Variants in EIF3B observed in about 807,000 individuals in gnomAD.
EIF3B encodes the protein eukaryotic translation initiation factor 3 subunit B.
Under a neutral mutation model 104.6 loss-of-function variants are expected in EIF3B, and 10 were observed. The ratio of observed to expected loss-of-function variants is 0.10; its 90% CI spans 0.06 to 0.16. The LOEUF (loss-of-function observed/expected upper bound fraction) is 0.16. Ranked by LOEUF, EIF3B falls within the 10% of genes least tolerant of loss-of-function variation. The pLI is 1.00. For missense variants in EIF3B, 1,014 were observed against 1,087.9 expected (o/e 0.93, Z 0.96); for synonymous variants, 542 against 417.2 (o/e 1.30, Z -3.65).
At chr7:2,379,977 C>T in intron 18 of EIF3B, 1 of 252,420 alleles carries the variant, frequency 4.0e-6, no homozygotes, top group South Asian at 4.3e-5. Flanking sequence ...CGCCTCACAG[C>T]ATGGGCACAT....
In EIF3B at chr7:2,360,840, C is replaced by A; in HGVS notation, c.630C>A (p.Ile210=). ...LEKLKNVIHK[I]FSKFGKITND... is the part of the protein sequence containing the mutation. ...AACTCAAAAATGTCATCCACAAGAT[C>A]TTTTCCAAGTTTGGGAAAATCACAA... The change falls in exon 2 of 19, where the codon ATC becomes ATA. Residue 210 remains isoleucine (I), a synonymous_variant. Coordinates refer to ENST00000360876, the MANE Select transcript of EIF3B (RefSeq NM_001037283.2). 9.3e-6 allele frequency: 15 copies of A among 1,613,850 alleles called. No individual in the cohort carries two copies. Among genetic ancestry groups the A allele is most frequent in the Non-Finnish European group, 1.3e-5 (15 of 1,179,790 alleles).
chr7:2,354,875 G>T lies in EIF3B; in HGVS notation c.-47G>T. 1 of 1,132,410 alleles carries T rather than the reference G, an allele frequency of 8.8e-7. No homozygotes were observed. The highest frequency in any genetic ancestry group is 3.6e-5 in the South Asian group (1 of 27,990). The allele number at this position is 1,132,410 out of a possible 1,614,324, so 70.1% of individuals were successfully genotyped here. A position where few individuals can be genotyped will look rare whatever the true frequency, so the allele number is the denominator to read the frequency against. ...GCGCGCGGTGCGGCCTGGGAGAGTCGGAAGCGCGGCGGCCGCGGAGCCCTG... is the reference window on the plus strand; with the variant it reads ...GCGCGCGGTGCGGCCTGGGAGAGTCTGAAGCGCGGCGGCCGCGGAGCCCTG... On this transcript the variant is annotated 5_prime_UTR_variant, in exon 1 of 19. Transcript: ENST00000360876.
At chr7:2,377,695 T>C (rs62444176) in intron 15 of EIF3B, 442 of 30,426 alleles carry the variant, frequency 0.015, 17 homozygotes, top group Admixed American at 0.023. Flanking sequence ...CCTGGGATGC[T>C]GTGTTCTGTG....
At chr7:2,359,983 G>A (rs1454087250) in intron 1 of EIF3B, among the ~76,000 whole-genome samples, 1 of 152,186 alleles carries the variant, frequency 6.6e-6, no homozygotes, top group African/African-American at 2.4e-5. Flanking sequence ...GGTAAAGATT[G>A]TTCTGAACGA....
chr7:2,379,058 C>T (rs953280931), intron 16 of EIF3B, 76 bp from the exon 17 acceptor site: 53 of 1,283,960 alleles, frequency 4.1e-5, no homozygotes, highest in East Asian at 2.6e-4. Context: ...TGGCACCGTC[C>T]GCCTGGGTGT....
chr7:2,359,908 G>T (rs1455264674), intron 1 of EIF3B, among the ~76,000 whole-genome samples: 1 of 152,208 alleles, frequency 6.6e-6, no homozygotes, highest in East Asian at 1.9e-4. Flanking sequence ...GAAAGACACT[G>T]TCACATCCCT....
At chr7:2,372,940 A>G in intron 12 of EIF3B, 145 bp downstream of exon 12, 4 of 849,226 alleles carry the variant, frequency 4.7e-6, no homozygotes, top group Non-Finnish European at 6.6e-6. Flanking sequence ...GCCTCGGCTG[A>G]TGGAAGTGAG....
intron 1 of EIF3B, among the ~76,000 whole-genome samples, chr7:2,356,268 T>C (rs1779430448): frequency 1.3e-5 from 2 of 152,016 alleles, no homozygotes; most frequent in Non-Finnish European, 2.9e-5. Context: ...ACCAGGACAA[T>C]TTCGGGAATA....
intron 6 of EIF3B, 121 bp downstream of exon 6, chr7:2,364,650 G>T: frequency 1.1e-6 from 1 of 882,612 alleles, no homozygotes; most frequent in South Asian, 1.7e-5. Flanking sequence ...TATGCAGAAC[G>T]CTAATAAGCT....
At chr7:2,377,508 TGTGTGAATGA>T in intron 15 of EIF3B, among the ~76,000 whole-genome samples, 1 of 133,740 alleles carries the variant, frequency 7.5e-6, no homozygotes, top group Non-Finnish European at 1.6e-5. Context: ...GATGCTGTGT[TGTGTGAATGA>T]CCCTGGGTGT....
chr7:2,355,349 T>A lies in EIF3B; in HGVS notation c.428T>A (p.Leu143Gln). The change falls in exon 1 of 19, where the codon CTG becomes CAG. Residue 143 changes from leucine to glutamine, a missense_variant. Transcript: ENST00000360876. ...GCGGCCGAGGCCGAACCCCGGGCGCTGGAGAACGGCGACGCGGACGAGCCC... is the reference window on the plus strand; with the variant it reads ...GCGGCCGAGGCCGAACCCCGGGCGCAGGAGAACGGCGACGCGGACGAGCCC... The part of the protein sequence containing the change: ...GRAAEAEPRA[L>Q]ENGDADEPSF... 1 of 1,539,904 alleles carries A rather than the reference T, an allele frequency of 6.5e-7. No individual in the cohort carries two copies. The highest frequency in any genetic ancestry group is 8.7e-7 in the Non-Finnish European group (1 of 1,149,954).
rs750069365 is a variant in EIF3B at position 2,372,750 on chromosome 7, G to T, written c.1765G>T (p.Val589Leu). The T allele has an allele frequency of 6.2e-7, 1 of 1,614,178 alleles. No homozygotes were observed. Among genetic ancestry groups the T allele is most frequent in the South Asian group, 1.1e-5 (1 of 91,080 alleles). ...VLHGEAPRIS[V>L]SFYHVKNNGK... The stretch of plus-strand genomic sequence containing the variant: ...GCACGGAGAGGCTCCGCGGATATCT[G>T]TGTCTTTCTACCACGTCAAAAACAA... Residue 589 changes from valine to leucine, a missense_variant, in exon 12 of 19, where the codon GTG (valine) becomes TTG (leucine). By Grantham distance (32) the Val-to-Leu change is conservative (BLOSUM62 1). Around this residue, in one of 4 missense-constraint regions of EIF3B, gnomAD observed 266 missense variants for 324.0 expected, o/e 0.82. Transcript: ENST00000360876.
In EIF3B at chr7:2,369,784, T is replaced by C. The variant is rs1317442524; in HGVS notation, c.1614+102T>C. ...TAATGGATTTTTTTTTTTTTTTTTT[T>C]TTTTTTTTTTTGAGATGGAGTCTCA... On this transcript the variant is annotated intron_variant, in intron 10 of 18. Coordinates refer to ENST00000360876, the MANE Select transcript of EIF3B (RefSeq NM_001037283.2). 3.8e-6 allele frequency: 4 copies of C among 1,064,148 alleles called. No homozygotes were observed. In the East Asian group the frequency reaches 7.8e-5, roughly 21 times the overall value. The allele number at this position is 1,064,148 out of a possible 1,614,324, so 65.9% of individuals were successfully genotyped here.
chr7:2,358,983 C>T (rs891609873), intron 1 of EIF3B, among the ~76,000 whole-genome samples: 1 of 152,076 alleles, frequency 6.6e-6, no homozygotes, highest in African/African-American at 2.4e-5. Context: ...ACTTGGGAGG[C>T]TGAGGCAGGA....
chr7:2,372,089 C>G (rs1318265532), intron 11 of EIF3B: 1 of 475,604 alleles, frequency 2.1e-6, no homozygotes, highest in Non-Finnish European at 3.8e-6. Context: ...CACCGATAGT[C>G]CCAGCTGTTT....
At position 2,380,620 on chromosome 7, in the gene EIF3B, A is replaced by G; in HGVS notation, c.*431A>G. ...AAGGACTTGCATCCCCATTGCGGGC[A>G]GTGCTGGACGTGTCCCGGAGACCCA... On this transcript the variant is annotated 3_prime_UTR_variant, in exon 19 of 19. Coordinates refer to ENST00000360876, the MANE Select transcript of EIF3B (RefSeq NM_001037283.2). 2 of 309,216 alleles carry G rather than the reference A, an allele frequency of 6.5e-6. No individual in the cohort carries two copies. The highest frequency in any genetic ancestry group is 6.4e-6 in the Non-Finnish European group (1 of 155,288). 19.2% of individuals were successfully genotyped at this position (309,216 alleles called of 1,614,324 possible). A position where few individuals can be genotyped will look rare whatever the true frequency, so the allele number is the denominator to read the frequency against.
chr7:2,356,296 T>G (rs903454642), intron 1 of EIF3B, among the ~76,000 whole-genome samples: 3 of 152,154 alleles, frequency 2.0e-5, no homozygotes, highest in African/African-American at 7.2e-5. Flanking sequence ...GTTGCCAATT[T>G]ATGATTTAAA....
intron 14 of EIF3B, 140 bp downstream of exon 14, chr7:2,375,667 T>A: frequency 7.8e-7 from 1 of 1,279,790 alleles, no homozygotes; most frequent in Non-Finnish European, 1.1e-6. Flanking sequence ...CTGGTGTTAG[T>A]GGCAGGAGGA....
rs549589454 is a variant in EIF3B at position 2,363,543 on chromosome 7, G to C, written c.871-89G>C. ...TGACTTGGGAGTTAAGATGTGGACT[G>C]AACTTGTCATATCTTTAAGAGCAAT... On this transcript the variant is annotated intron_variant, in intron 4 of 18. Transcript: ENST00000360876. The C allele has an allele frequency of 2.0e-5, 25 of 1,226,198 alleles. No individual in the cohort carries two copies. The East Asian group carries it at 5.4e-4, about 27-fold the overall frequency. The allele number at this position is 1,226,198 out of a possible 1,614,324, so 76.0% of individuals were successfully genotyped here.
Sources: allele counts gnomAD v4.1 joint callset (sites outside exome capture counted in the v4.1 genomes callset), GRCh38; gene constraint gnomAD v4.1.1; regional missense constraint gnomAD v4.1.1; transcripts MANE v1.5; gene names NCBI Gene and HGNC (gene_info 2026-07-23, HGNC 2026-07-21).